BTBD3: variants seen among roughly 807,000 people sequenced by gnomAD.
The protein encoded by BTBD3 is BTB/POZ domain-containing protein 3.
Under a neutral mutation model 41.6 loss-of-function variants are expected in BTBD3, and 14 were observed. The ratio of observed to expected loss-of-function variants is 0.34; its 90% CI spans 0.22 to 0.53. The LOEUF is 0.53. Among genes scored for constraint, BTBD3 ranks in the 20% least tolerant of loss-of-function variants. The pLI is 0.95. For missense variants in BTBD3, 426 were observed against 654.7 expected, an observed-to-expected ratio of 0.65 and a Z score of 3.81; for synonymous variants, 249 against 233.7, an observed-to-expected ratio of 1.07 and a Z score of -0.60.
intron 1 of BTBD3, among the ~76,000 whole-genome samples, chr20:11,900,945 T>G (rs1284779637): frequency 6.6e-6 from 1 of 152,052 alleles, no homozygotes; most frequent in Non-Finnish European, 1.5e-5. Flanking sequence ...TATCCTGACC[T>G]CGTGATCTGC....
intron 1 of BTBD3, among the ~76,000 whole-genome samples, chr20:11,891,605 T>TTG (rs2056754805): frequency 6.6e-6 from 1 of 152,134 alleles, no homozygotes. Context: ...TGAGTGGCAT[T>TTG]TGTGGCCCGT....
Position 11,923,488 on chromosome 20 carries a change from A to G in BTBD3, c.1391A>G (p.Asp464Gly). ...GAATACCCAGTGCAGATCGAGCCAGACACCTTCTACACAGCCAGTGTGATA... is the reference window on the plus strand; with the variant it reads ...GAATACCCAGTGCAGATCGAGCCAGGCACCTTCTACACAGCCAGTGTGATA... ...WFEYPVQIEP[D>G]TFYTASVILD... Residue 464 changes from aspartate (D) to glycine (G), a missense_variant, in exon 4 of 4, where the codon GAC becomes GGC. Coordinates refer to ENST00000378226, the MANE Select transcript of BTBD3 (RefSeq NM_014962.4). The surrounding 1 kb of genome is among the most constrained non-coding windows in gnomAD (Gnocchi z 5.3). The G allele has an allele frequency of 6.2e-7, 1 of 1,613,938 alleles. No individual in the cohort carries two copies. Among genetic ancestry groups the G allele is most frequent in the South Asian group, 1.1e-5 (1 of 91,050 alleles).
At chr20:11,910,720 A>C (rs927053725) in intron 1 of BTBD3, among the ~76,000 whole-genome samples, 2 of 152,230 alleles carry the variant, frequency 1.3e-5, no homozygotes, top group Non-Finnish European at 2.9e-5. Flanking sequence ...AATATTACCC[A>C]GAGAGTTACA....
chr20:11,915,798 C>G (rs2122278876), upstream of BTBD3, among the ~76,000 whole-genome samples: 1 of 152,268 alleles, frequency 6.6e-6, no homozygotes, highest in South Asian at 2.1e-4. Flanking sequence ...CTAGTATTGT[C>G]AGAATTTTCT....
At chr20:11,912,046 A>G (rs6074365) in intron 1 of BTBD3, among the ~76,000 whole-genome samples, 108,379 of 151,878 alleles carry the variant, frequency 0.71, 39,060 homozygotes, top group Non-Finnish European at 0.76. Context: ...CCCCAAATCT[A>G]AAGTACAATT....
At chr20:11,904,520 C>G (rs1200341890) in intron 1 of BTBD3, among the ~76,000 whole-genome samples, 2 of 152,106 alleles carry the variant, frequency 1.3e-5, no homozygotes, top group Admixed American at 1.3e-4. Context: ...CGATAAAATC[C>G]AAACTTCTTA....
At chr20:11,913,345 C>T (rs751994213), upstream of BTBD3, 1 of 152,170 alleles carries the variant, frequency 6.6e-6, no homozygotes, top group Non-Finnish European at 1.5e-5. Context: ...TGAGCAGCGT[C>T]CTCACTGCAG....
At chr20:11,898,478 T>C (rs2056803823) in intron 1 of BTBD3, among the ~76,000 whole-genome samples, 1 of 152,254 alleles carries the variant, frequency 6.6e-6, no homozygotes, top group African/African-American at 2.4e-5. Context: ...GCATTTTATT[T>C]TTCCGTTGCA....
intron 1 of BTBD3, among the ~76,000 whole-genome samples, chr20:11,909,018 C>T (rs956496594): frequency 1.3e-5 from 2 of 151,896 alleles, no homozygotes; most frequent in South Asian, 2.1e-4. Flanking sequence ...GAGGCCTAGG[C>T]GGGTGGATCA....
At position 11,924,290 on chromosome 20, in the gene BTBD3, G is replaced by A. The variant is rs2056999318; in HGVS notation, c.*624G>A. On this transcript the variant is annotated 3_prime_UTR_variant, in exon 4 of 4. Coordinates refer to ENST00000378226, the MANE Select transcript of BTBD3 (RefSeq NM_014962.4). The stretch of plus-strand genomic sequence containing the variant: ...TGTAAAATTGGAAAATAAGGAACTG[G>A]GGGCATTTGTTTAGGCCATGACTTC... The A allele has an allele frequency of 6.6e-6, 1 of 152,078 alleles. No homozygotes were observed. Among genetic ancestry groups the A allele is most frequent in the Non-Finnish European group, 1.5e-5 (1 of 68,010 alleles). The allele number at this position is 152,078 out of a possible 1,614,324, so 9.4% of individuals were successfully genotyped here. A position where few individuals can be genotyped will look rare whatever the true frequency, so the allele number is the denominator to read the frequency against.
At chr20:11,901,653 T>A (rs1372729176) in intron 1 of BTBD3, among the ~76,000 whole-genome samples, 1 of 152,210 alleles carries the variant, frequency 6.6e-6, no homozygotes, top group Non-Finnish European at 1.5e-5. Context: ...CTTTCTCTTA[T>A]AAGTGATCCC....
chr20:11,918,366 A>G lies in BTBD3; in HGVS notation c.91A>G (p.Lys31Glu). 6.2e-7 allele frequency: 1 copy of G among 1,614,156 alleles called. No individual in the cohort carries two copies. Among genetic ancestry groups the G allele is most frequent in the South Asian group, 1.1e-5 (1 of 91,084 alleles). The change falls in exon 1 of 4, where the codon AAG (lysine) becomes GAG (glutamate). Residue 31 changes from lysine to glutamate, a missense_variant. Coordinates refer to ENST00000378226, the MANE Select transcript of BTBD3 (RefSeq NM_014962.4). ...AAAGAACAGGTCCAAGAAAAGCTCAAAGAAAGCAAATACCAGCAGCAGCAG... is the reference window on the plus strand; with the variant it reads ...AAAGAACAGGTCCAAGAAAAGCTCAGAGAAAGCAAATACCAGCAGCAGCAG... ...TVKNRSKKSSKKANTSSSSSN... is the reference protein window; with the variant it reads ...TVKNRSKKSSEKANTSSSSSN...
At position 11,923,282 on chromosome 20, in the gene BTBD3, C is replaced by T. The variant is rs2056987445; in HGVS notation, c.1185C>T (p.Asp395=). The T allele has an allele frequency of 6.2e-7, 1 of 1,614,230 alleles. No homozygotes were observed. Among genetic ancestry groups the T allele is most frequent in the African/African-American group, 1.3e-5 (1 of 75,066 alleles). Reference sequence around the variant, plus strand: ...AATGGCGCTATCGTGGTCGCTGTGACAGCATCCAGTTTGCAGTTGATAAAA... The same window carrying T: ...AATGGCGCTATCGTGGTCGCTGTGATAGCATCCAGTTTGCAGTTGATAAAA... ...SNQWRYRGRC[D]SIQFAVDKRV... The change falls in exon 4 of 4, where the codon GAC becomes GAT. Residue 395 remains aspartate (D), a synonymous_variant. Transcript: ENST00000378226. This position sits in a 1 kb window ranked among gnomAD's most constrained non-coding sequence, Gnocchi z 5.3.
At chr20:11,916,775 C>A (rs2056920553), upstream of BTBD3, among the ~76,000 whole-genome samples, 1 of 152,258 alleles carries the variant, frequency 6.6e-6, no homozygotes, top group African/African-American at 2.4e-5. Context: ...TGAGGGGTAG[C>A]AAATGGCTGC....
chr20:11,924,088 A>T lies in BTBD3; in HGVS notation c.*422A>T, dbSNP rs1287738653. The T allele has an allele frequency of 1.3e-5, 2 of 158,524 alleles. No individual in the cohort carries two copies. The highest frequency in any genetic ancestry group is 2.8e-5 in the Non-Finnish European group (2 of 72,226). 9.8% of individuals were successfully genotyped at this position (158,524 alleles called of 1,614,324 possible). On this transcript the variant is annotated 3_prime_UTR_variant, in exon 4 of 4. Transcript: ENST00000378226. Reference sequence around the variant, plus strand: ...GAACTCCTCTTACCCCCCAAAACAGATAAACCTCAGTGTACAATTTTGAAA... The same window carrying T: ...GAACTCCTCTTACCCCCCAAAACAGTTAAACCTCAGTGTACAATTTTGAAA...
In BTBD3 at chr20:11,923,644, C is replaced by T. The variant is rs1184789746; in HGVS notation, c.1547C>T (p.Pro516Leu). ...ACTGGGGTACAGGGAGGGCAGATCC[C>T]TGAACTTATATTCTATGCTTGAAAA... ...NGTGVQGGQI[P>L]ELIFYA Residue 516 changes from proline to leucine, a missense_variant, in exon 4 of 4, where the codon CCT becomes CTT. Transcript: ENST00000378226. The surrounding 1 kb of genome is among the most constrained non-coding windows in gnomAD (Gnocchi z 5.3). 1 of 1,606,568 alleles carries T rather than the reference C, an allele frequency of 6.2e-7. No homozygotes were observed. Among genetic ancestry groups the T allele is most frequent in the African/African-American group, 1.3e-5 (1 of 74,978 alleles).
exon 1 of BTBD3, chr20:11,890,885 G>C (rs2056745855): frequency 3.0e-6 from 3 of 984,880 alleles, no homozygotes; most frequent in Non-Finnish European, 3.6e-6. Context: ...CCCCGGCCGG[G>C]GCCTGAGGAG....
chr20:11,920,330 T>G (rs1438389800), intron 3 of BTBD3, among the ~76,000 whole-genome samples: 1 of 152,206 alleles, frequency 6.6e-6, no homozygotes, highest in South Asian at 2.1e-4. Context: ...GATCTTTGTG[T>G]ACACATACAT....
At chr20:11,922,609 C>T (rs779471241) in intron 3 of BTBD3, 25 bp from the exon 4 acceptor site, 4 of 1,570,764 alleles carry the variant, frequency 2.5e-6, no homozygotes, top group African/African-American at 1.4e-5. Context: ...GAAAATTCCA[C>T]TTACATGTTA....
Sources: gnomAD v4.1 joint callset for allele counts (sites outside exome capture counted in the v4.1 genomes callset) on GRCh38, gnomAD v4.1.1 for gene constraint, Gnocchi (gnomAD v3.1) non-coding constraint, MANE v1.5 for transcripts, NCBI Gene and HGNC (gene_info 2026-07-23, HGNC 2026-07-21) for gene names.